OR51B5: variants seen among roughly 807,000 people sequenced by gnomAD.
The protein encoded by OR51B5 is olfactory receptor 51B5.
For synonymous variants in OR51B5, 186 were observed against 144.8 expected (o/e 1.28, Z -2.04); for missense variants, 456 against 374.6 (o/e 1.22, Z -1.79).
Position 5,478,959 on chromosome 11 carries a change from T to C in OR51B5, n.84+26610A>G, listed in dbSNP as rs542241783. Among the ~76,000 whole-genome samples, 202 of 151,854 alleles carry C rather than the reference T, an allele frequency of 1.3e-3. 7 individuals are homozygous for C. The South Asian group carries it at 0.041, about 30-fold the overall frequency. On this transcript the variant is annotated intron_variant and non_coding_transcript_variant, in intron 1 of 4. Coordinates refer to the OR51B5 transcript ENST00000415970. ...TCTGCAGGATATTATCCGGGAGAAC[T>C]TCCCCAATCTAGCAAGGCAGGTCAA...
intron 1 of OR51B5, among the ~76,000 whole-genome samples, chr11:5,381,130 CCTCT>C (rs769586646): frequency 1.5e-3 from 203 of 139,116 alleles, no homozygotes; most frequent in Non-Finnish European, 2.2e-3. Context: ...CCCCACCCCA[CCTCT>C]CTCTCTCTGT....
intron 1 of OR51B5, among the ~76,000 whole-genome samples, chr11:5,406,754 T>C (rs1166525126): frequency 1.3e-5 from 2 of 152,204 alleles, no homozygotes; most frequent in East Asian, 3.9e-4. Context: ...GATGTAAAGA[T>C]CAAGATTCCA....
rs1057221983 is a variant in OR51B5, at chr11:5,468,551, A to T, written n.84+37018T>A. Reference sequence around the variant, plus strand: ...CGAATCTCCTTAGTCTTGATGGAATAGATAATTGGGTAGAGCATTGGAGGT... The same window carrying T: ...CGAATCTCCTTAGTCTTGATGGAATTGATAATTGGGTAGAGCATTGGAGGT... On this transcript the variant is annotated intron_variant and non_coding_transcript_variant, in intron 1 of 4. Transcript: ENST00000415970. 35 of 404,952 alleles carry T rather than the reference A, an allele frequency of 8.6e-5. No homozygotes were observed. In the Middle Eastern group the frequency reaches 1.8e-3, roughly 21 times the overall value. 25.1% of individuals were successfully genotyped at this position (404,952 alleles called of 1,614,324 possible). A position where few individuals can be genotyped will look rare whatever the true frequency, so the allele number is the denominator to read the frequency against.
intron 1 of OR51B5, chr11:5,430,682 A>T (rs764305871): frequency 4.2e-5 from 19 of 455,450 alleles, no homozygotes; most frequent in South Asian, 2.9e-4. Flanking sequence ...CAGGAAAACA[A>T]GGTGAGAATT....
chr11:5,464,525 G>C (rs1284424785), intron 1 of OR51B5, among the ~76,000 whole-genome samples: 1 of 149,858 alleles, frequency 6.7e-6, no homozygotes, highest in Admixed American at 6.7e-5. Context: ...CTATGAGTGA[G>C]AATATGTGGT....
chr11:5,379,057 C>A (rs1352306534), intron 1 of OR51B5, among the ~76,000 whole-genome samples: 40 of 151,102 alleles, frequency 2.6e-4, no homozygotes, highest in African/African-American at 7.8e-4. Flanking sequence ...GACTTGGAAC[C>A]AACCCAAATG....
intron 1 of OR51B5, chr11:5,505,294 G>T (rs1459191231): frequency 1.5e-6 from 2 of 1,296,320 alleles, no homozygotes; most frequent in Non-Finnish European, 2.0e-6. Context: ...TCCAAGGATG[G>T]AAATTTGGGG....
rs183926812 is a variant in OR51B5, at chr11:5,464,983, G to C, written n.84+40586C>G. Among the ~76,000 whole-genome samples, 1,435 of 152,168 alleles carry C rather than the reference G, an allele frequency of 9.4e-3. 24 individuals carry two copies. The highest frequency in any genetic ancestry group is 0.031 in the African/African-American group (1,307 of 41,530). ...GCACTTTGGGAGGCCGAGGCGGGCG[G>C]ATCGCGAGGTCAGGAGATCGAGACC... On this transcript the variant is annotated intron_variant and non_coding_transcript_variant, in intron 1 of 4. Transcript: ENST00000415970.
At chr11:5,389,519 AT>A in intron 1 of OR51B5, 1 of 1,613,968 alleles carries the variant, frequency 6.2e-7, no homozygotes, top group South Asian at 1.1e-5. Flanking sequence ...CTGGATTTTC[AT>A]CCCCTTTTTC....
chr11:5,380,872 C>G (rs556958934), intron 1 of OR51B5, among the ~76,000 whole-genome samples: 1 of 152,092 alleles, frequency 6.6e-6, no homozygotes, highest in East Asian at 1.9e-4. Context: ...TTTCTTGTGC[C>G]CTGGGGATAG....
intron 1 of OR51B5, among the ~76,000 whole-genome samples, chr11:5,479,604 A>G (rs1851381928): frequency 1.3e-5 from 2 of 152,088 alleles, no homozygotes; most frequent in Non-Finnish European, 2.9e-5. Context: ...AGTGTGCTGT[A>G]TTCAGGAAAT....
rs573568719 is a variant in OR51B5 at position 5,374,892 on chromosome 11, A to C, written n.85-27982T>G. Among the ~76,000 whole-genome samples, 441 of 152,154 alleles carry C rather than the reference A, an allele frequency of 2.9e-3. 1 individual carries two copies. Among genetic ancestry groups the C allele is most frequent in the African/African-American group, 0.01 (417 of 41,486 alleles). On this transcript the variant is annotated intron_variant and non_coding_transcript_variant, in intron 1 of 4. Coordinates refer to the OR51B5 transcript ENST00000415970. The stretch of plus-strand genomic sequence containing the variant: ...TGAAAGTGACGGGGAGAATCGAACC[A>C]AGTTGGAAAACACTCTGCAGGATAT...
intron 1 of OR51B5, among the ~76,000 whole-genome samples, chr11:5,372,550 T>C (rs1413084644): frequency 6.6e-6 from 1 of 152,210 alleles, no homozygotes; most frequent in Non-Finnish European, 1.5e-5. Flanking sequence ...TGCTGACCAT[T>C]TGCATGTCTT....
chr11:5,489,469 T>C (rs193279984), intron 1 of OR51B5: 5 of 1,614,064 alleles, frequency 3.1e-6, no homozygotes, highest in East Asian at 2.2e-5. Flanking sequence ...CCTGGTTTTC[T>C]ACATCCCTGC....
intron 1 of OR51B5, among the ~76,000 whole-genome samples, chr11:5,492,793 C>G (rs1351999654): frequency 6.6e-6 from 1 of 152,138 alleles, no homozygotes; most frequent in African/African-American, 2.4e-5. Flanking sequence ...CATCCCACTA[C>G]ATGGCTAATT....
chr11:5,424,207 T>C (rs1589989501), intron 1 of OR51B5, among the ~76,000 whole-genome samples: 2 of 152,144 alleles, frequency 1.3e-5, no homozygotes, highest in African/African-American at 2.4e-5. Flanking sequence ...CAGTGGAAGG[T>C]AGTGTTACAG....
rs79665978 is a variant in OR51B5, at chr11:5,411,018, T to C, written n.85-64108A>G. On this transcript the variant is annotated intron_variant and non_coding_transcript_variant, in intron 1 of 4. Transcript: ENST00000415970. ...ACAGTAAGCTAAGGTTAATTTATTA[T>C]TGAAGAAAGAAAACTATTTTTTATA... is the stretch of plus-strand genomic sequence containing the variant. Among the ~76,000 whole-genome samples the C allele has an allele frequency of 1.2e-4, 18 of 152,322 alleles. No homozygotes were observed. The East Asian group carries it at 3.5e-3, about 29-fold the overall frequency.
intron 1 of OR51B5, among the ~76,000 whole-genome samples, chr11:5,380,441 G>A (rs541835049): frequency 6.6e-5 from 10 of 152,274 alleles, no homozygotes; most frequent in South Asian, 2.1e-4. Context: ...GTTCTTCTGG[G>A]AAGGACTTGT....
At chr11:5,342,445 C>T, downstream of OR51B5, 1 of 1,061,678 alleles carries the variant, frequency 9.4e-7, no homozygotes, top group Non-Finnish European at 1.3e-6. Context: ...TAAAGAGATA[C>T]CTTAGGGAAA....
Sources: allele counts gnomAD v4.1 joint callset (sites outside exome capture counted in the v4.1 genomes callset), GRCh38; gene constraint gnomAD v4.1.1; transcripts MANE v1.5; gene names NCBI Gene and HGNC (gene_info 2026-07-23, HGNC 2026-07-21).